Variants in THADA observed in about 807,000 individuals in gnomAD.
THADA encodes the protein THADA armadillo repeat containing, also known as tRNA (32-2'-O)-methyltransferase regulator THADA.
THADA carries 213 observed loss-of-function variants against 219.8 expected under a neutral mutation model. That is an observed-to-expected ratio of 0.97 (90% CI 0.87 to 1.09). The LOEUF (loss-of-function observed/expected upper bound fraction) is 1.09. THADA is among the 50% of genes least tolerant of loss of function. THADA has a pLI of 0.00. For missense variants in THADA, 2,956 were observed against 2,311.3 expected (o/e 1.28, Z -5.72); for synonymous variants, 1,018 against 828.9 (o/e 1.23, Z -3.92).
intron 29 of THADA, among the ~76,000 whole-genome samples, chr2:43,385,402 C>G (rs1044574088): frequency 6.6e-6 from 1 of 151,798 alleles, no homozygotes; most frequent in Non-Finnish European, 1.5e-5. Flanking sequence ...GTCAGGAGAT[C>G]GAGACCATCC....
chr2:43,360,806 AAAG>A, intron 29 of THADA, among the ~76,000 whole-genome samples: 1 of 152,298 alleles, frequency 6.6e-6, no homozygotes, highest in African/African-American at 2.4e-5. Flanking sequence ...TTTTCCACCT[AAAG>A]AAGTCCTTTT....
At chr2:43,535,844 CTG>C (rs1694528959) in intron 21 of THADA, among the ~76,000 whole-genome samples, 1 of 151,936 alleles carries the variant, frequency 6.6e-6, no homozygotes, top group Admixed American at 6.5e-5. Flanking sequence ...GTTTTTGAGA[CTG>C]ACACTCGCTC....
At chr2:43,504,507 T>C in intron 24 of THADA, among the ~76,000 whole-genome samples, 1 of 152,240 alleles carries the variant, frequency 6.6e-6, no homozygotes, top group Admixed American at 6.5e-5. Flanking sequence ...AAATCATATG[T>C]ACTTATCGTA....
chr2:43,506,212 T>G (rs1305879573), intron 23 of THADA, among the ~76,000 whole-genome samples: 2 of 152,218 alleles, frequency 1.3e-5, no homozygotes, highest in African/African-American at 4.8e-5. Flanking sequence ...CACAAAAGAA[T>G]CATTACTTGG....
chr2:43,517,920 A>G (rs1047656154), intron 22 of THADA, among the ~76,000 whole-genome samples: 2 of 152,148 alleles, frequency 1.3e-5, no homozygotes, highest in Admixed American at 6.5e-5. Flanking sequence ...TTAATACACC[A>G]TAGATTTTGG....
chr2:43,363,895 A>C (rs1429268757), intron 29 of THADA, among the ~76,000 whole-genome samples: 2 of 152,122 alleles, frequency 1.3e-5, no homozygotes, highest in African/African-American at 2.4e-5. Flanking sequence ...ATTGCACTCA[A>C]GCCTCATAGA....
intron 35 of THADA, among the ~76,000 whole-genome samples, chr2:43,284,066 C>T (rs1673692360): frequency 6.6e-6 from 1 of 152,164 alleles, no homozygotes; most frequent in Non-Finnish European, 1.5e-5. Context: ...GTAATCCCAG[C>T]TACTGAGGAG....
chr2:43,296,821 C>T (rs902948358), intron 31 of THADA, among the ~76,000 whole-genome samples: 23 of 152,160 alleles, frequency 1.5e-4, no homozygotes, highest in Admixed American at 1.4e-3. Context: ...CAGAAATCTG[C>T]TCTTAAAATT....
intron 26 of THADA, among the ~76,000 whole-genome samples, chr2:43,448,198 T>C (rs1204593612): frequency 6.6e-6 from 1 of 152,216 alleles, no homozygotes; most frequent in Non-Finnish European, 1.5e-5. Flanking sequence ...ACTGGCAGAA[T>C]GGGTCTAGTG....
At chr2:43,372,989 C>G (rs948471992) in intron 29 of THADA, among the ~76,000 whole-genome samples, 6 of 152,066 alleles carry the variant, frequency 3.9e-5, no homozygotes, top group Non-Finnish European at 8.8e-5. Context: ...CCACGCCCAG[C>G]CAAGTCTAGT....
intron 29 of THADA, among the ~76,000 whole-genome samples, chr2:43,361,040 C>T (rs1669461358): frequency 6.6e-6 from 1 of 151,832 alleles, no homozygotes; most frequent in South Asian, 2.1e-4. Flanking sequence ...AAAGGGGGTG[C>T]TACCAGCATC....
At chr2:43,311,542 G>A (rs548576041) in intron 31 of THADA, among the ~76,000 whole-genome samples, 1 of 152,158 alleles carries the variant, frequency 6.6e-6, no homozygotes, top group Non-Finnish European at 1.5e-5. Context: ...TGAAAACACA[G>A]GTCCCAGCAA....
chr2:43,458,046 G>C (rs1683222090), intron 26 of THADA, among the ~76,000 whole-genome samples: 1 of 152,012 alleles, frequency 6.6e-6, no homozygotes, highest in Non-Finnish European at 1.5e-5. Context: ...GAATGGCCAA[G>C]GCTTATTTAT....
At chr2:43,434,018 A>G (rs1374060811) in intron 26 of THADA, among the ~76,000 whole-genome samples, 1 of 152,188 alleles carries the variant, frequency 6.6e-6, no homozygotes, top group Admixed American at 6.5e-5. Flanking sequence ...TTGTATATAG[A>G]CACATCAAGG....
rs1336625796 is a variant in THADA, at chr2:43,549,214, G to C, written c.3102C>G (p.Ile1034Met). The C allele has an allele frequency of 6.4e-7, 1 of 1,564,994 alleles. No individual in the cohort carries two copies. The highest frequency in any genetic ancestry group is 8.6e-7 in the Non-Finnish European group (1 of 1,156,978). ...TATCCATTTTATACAAGTTACCTTT[G>C]ATTTCTGTAGAAGTATCAATATTCA... ...SVVNIDTSTE[I>M]KGKEVKTCDV... is the part of the protein sequence containing the mutation. The change falls in exon 20 of 38, where the codon ATC (isoleucine) becomes ATG (methionine). Residue 1034 changes from isoleucine to methionine, a missense_variant. Coordinates refer to ENST00000405975, the MANE Select transcript of THADA (RefSeq NM_022065.5).
intron 13 of THADA, among the ~76,000 whole-genome samples, chr2:43,570,839 G>GAAC (rs1699212941): frequency 1.4e-5 from 1 of 72,950 alleles, no homozygotes; most frequent in Non-Finnish European, 2.7e-5. Context: ...ATTTGATAAT[G>GAAC]ATCTTTTGAG....
chr2:43,351,228 A>T (rs1384044246), intron 29 of THADA, among the ~76,000 whole-genome samples: 1 of 152,210 alleles, frequency 6.6e-6, no homozygotes, highest in African/African-American at 2.4e-5. Flanking sequence ...TCCATCAATG[A>T]CTTTCAACCT....
intron 29 of THADA, among the ~76,000 whole-genome samples, chr2:43,396,300 G>A (rs1224338669): frequency 6.6e-6 from 1 of 152,086 alleles, no homozygotes; most frequent in Non-Finnish European, 1.5e-5. Flanking sequence ...CTGCTTAGAG[G>A]TCACTTCCTC....
At chr2:43,503,235 C>T (rs1216382513) in intron 24 of THADA, among the ~76,000 whole-genome samples, 1 of 152,124 alleles carries the variant, frequency 6.6e-6, no homozygotes, top group Non-Finnish European at 1.5e-5. Context: ...GAAACACTCA[C>T]GTGTGTAAGG....
Sources: allele counts gnomAD v4.1 joint callset (sites outside exome capture counted in the v4.1 genomes callset), GRCh38; gene constraint gnomAD v4.1.1; transcripts MANE v1.5; gene names NCBI Gene and HGNC (gene_info 2026-07-23, HGNC 2026-07-21).